SHB: variants seen among roughly 807,000 people sequenced by gnomAD.
SHB encodes SH2 domain-containing adapter protein B.
A neutral mutation model predicts 52.3 loss-of-function variants in SHB; 20 were observed. The ratio of observed to expected loss-of-function variants is 0.38; its 90% CI spans 0.27 to 0.56. The LOEUF is 0.56. SHB is among the 20% of genes least tolerant of loss of function. The pLI, the probability that SHB is intolerant of heterozygous loss-of-function variation, is 0.71. For missense variants in SHB, 825 were observed against 723.3 expected, an observed-to-expected ratio of 1.14 and a Z score of -1.61; for synonymous variants, 397 against 316.5, an observed-to-expected ratio of 1.25 and a Z score of -2.70.
At chr9:38,054,897 T>C (rs543225091) in intron 1 of SHB, among the ~76,000 whole-genome samples, 2 of 152,278 alleles carry the variant, frequency 1.3e-5, no homozygotes, top group South Asian at 4.2e-4. Context: ...ATCTCAACAT[T>C]GGAAGTTTTC....
intron 1 of SHB, among the ~76,000 whole-genome samples, chr9:38,037,774 T>C (rs1030456441): frequency 6.6e-6 from 1 of 152,158 alleles, no homozygotes; most frequent in Admixed American, 6.5e-5. Context: ...TGGGCTGACC[T>C]TGGGGCAGAT....
chr9:38,025,158 AC>A (rs529234581), intron 1 of SHB, among the ~76,000 whole-genome samples: 90 of 151,954 alleles, frequency 5.9e-4, no homozygotes, highest in Admixed American at 2.8e-3. Context: ...TCACAGAAGA[AC>A]CCCCCTACCT....
chr9:38,065,733 A>G (rs555475017), intron 1 of SHB, among the ~76,000 whole-genome samples: 30 of 152,258 alleles, frequency 2.0e-4, no homozygotes, highest in Admixed American at 1.8e-3. Context: ...ATATCTGATC[A>G]CAACACTCTC....
intron 5 of SHB, among the ~76,000 whole-genome samples, chr9:37,937,178 G>A (rs1832381340): frequency 6.6e-6 from 1 of 152,072 alleles, no homozygotes; most frequent in Admixed American, 6.5e-5. Context: ...ACATGTCTTT[G>A]TCTCCTCACC....
intron 2 of SHB, among the ~76,000 whole-genome samples, chr9:37,997,694 C>T (rs531975903): frequency 6.6e-6 from 1 of 152,314 alleles, no homozygotes; most frequent in Non-Finnish European, 1.5e-5. Context: ...TGTGGTTGGC[C>T]TTCTGGGCTG....
At chr9:38,028,249 C>T (rs964681602) in intron 1 of SHB, among the ~76,000 whole-genome samples, 8 of 152,150 alleles carry the variant, frequency 5.3e-5, no homozygotes, top group Non-Finnish European at 1.0e-4. Flanking sequence ...TTAGATCCTG[C>T]AACATCAATC....
intron 3 of SHB, among the ~76,000 whole-genome samples, chr9:37,968,381 G>T (rs1455195703): frequency 6.6e-6 from 1 of 152,194 alleles, no homozygotes; most frequent in Admixed American, 6.5e-5. Context: ...ACTTGGGACT[G>T]TCTGACTCAT....
At chr9:37,939,437 A>G (rs1304596518) in intron 5 of SHB, among the ~76,000 whole-genome samples, 3 of 152,188 alleles carry the variant, frequency 2.0e-5, no homozygotes, top group African/African-American at 4.8e-5. Context: ...CTTTCTTCAC[A>G]GCTCCTTGAG....
chr9:37,948,239 C>T (rs2117890294), intron 5 of SHB, among the ~76,000 whole-genome samples: 1 of 152,290 alleles, frequency 6.6e-6, no homozygotes, highest in East Asian at 1.9e-4. Context: ...CCAGCCACAC[C>T]CACCTCCGTG....
Position 37,916,044 on chromosome 9 carries a change from G to A in SHB, c.*3777C>T, listed in dbSNP as rs1175639690. Among the ~76,000 whole-genome samples, 2 of 152,228 alleles carry A rather than the reference G, an allele frequency of 1.3e-5. No individual in the cohort carries two copies. The highest frequency in any genetic ancestry group is 6.5e-5 in the Admixed American group (1 of 15,292). On this transcript the variant is annotated 3_prime_UTR_variant, in exon 6 of 6. Coordinates refer to ENST00000377707, the MANE Select transcript of SHB (RefSeq NM_003028.3). ...TGGCAGGGATGCAAACAGCCCCAAGGAGGGAGGTGGAAAGGCCAAGGGGCA... is the reference window on the plus strand; with the variant it reads ...TGGCAGGGATGCAAACAGCCCCAAGAAGGGAGGTGGAAAGGCCAAGGGGCA...
At chr9:37,938,746 G>GGGAGAC (rs1832403509) in intron 5 of SHB, among the ~76,000 whole-genome samples, 1 of 152,252 alleles carries the variant, frequency 6.6e-6, no homozygotes, top group African/African-American at 2.4e-5. Flanking sequence ...TGGCTCAGAC[G>GGGAGAC]GGAGACGCAG....
chr9:38,018,868 T>TC (rs1291715345), intron 1 of SHB, among the ~76,000 whole-genome samples: 1 of 152,252 alleles, frequency 6.6e-6, no homozygotes, highest in East Asian at 1.9e-4. Flanking sequence ...AAGGTTTGTG[T>TC]GAAGCGTGCT....
intron 2 of SHB, among the ~76,000 whole-genome samples, chr9:38,008,531 G>A (rs1376286002): frequency 1.3e-5 from 2 of 152,272 alleles, no homozygotes; most frequent in Non-Finnish European, 2.9e-5. Flanking sequence ...CCAGGCAGGA[G>A]GATTGACAAC....
intron 3 of SHB, among the ~76,000 whole-genome samples, chr9:37,957,809 G>A (rs1484951142): frequency 1.3e-5 from 2 of 152,220 alleles, no homozygotes; most frequent in Non-Finnish European, 2.9e-5. Context: ...AGCAGGGCAG[G>A]AAAGCCCTCT....
chr9:37,961,333 A>C (rs1043856445), intron 3 of SHB, among the ~76,000 whole-genome samples: 2 of 152,164 alleles, frequency 1.3e-5, no homozygotes, highest in African/African-American at 4.8e-5. Flanking sequence ...TGCTTGGATG[A>C]GATAAATGTG....
rs370487487 is a variant in SHB at position 37,948,585 on chromosome 9, G to A, written c.1346+50C>T. 88 of 1,599,868 alleles carry A rather than the reference G, an allele frequency of 5.5e-5. No homozygotes were observed. The African/African-American group carries it at 7.2e-4, about 13-fold the overall frequency. The stretch of plus-strand genomic sequence containing the variant: ...TGCCACAGACACGGTGGCCGGCTGC[G>A]CTCGCAGAGGCTGCCGAGGAGGGCT... On this transcript the variant is annotated intron_variant, in intron 5 of 5. Coordinates refer to ENST00000377707, the MANE Select transcript of SHB (RefSeq NM_003028.3).
chr9:38,063,972 AAAC>A (rs900014707), intron 1 of SHB, among the ~76,000 whole-genome samples: 27 of 152,108 alleles, frequency 1.8e-4, no homozygotes, highest in African/African-American at 6.3e-4. Flanking sequence ...GTTGTGGTGG[AAAC>A]AACATTTATT....
In SHB at chr9:37,927,034, T is replaced by C. The variant is rs138319484; in HGVS notation, c.1347-7030A>G. 8.0e-4 allele frequency among the ~76,000 whole-genome samples: 122 copies of C among 152,290 alleles called. 1 individual carries two copies. The highest frequency in any genetic ancestry group is 1.6e-3 in the Non-Finnish European group (106 of 68,018). On this transcript the variant is annotated intron_variant, in intron 5 of 5. Coordinates refer to ENST00000377707, the MANE Select transcript of SHB (RefSeq NM_003028.3). ...GGGAGGGCTGGCATTATATGCAAGA[T>C]ACCCACTGCACAGATGAGAAGACTA...
chr9:38,027,456 A>C (rs890200201), intron 1 of SHB, among the ~76,000 whole-genome samples: 1 of 152,172 alleles, frequency 6.6e-6, no homozygotes, highest in Non-Finnish European at 1.5e-5. Flanking sequence ...TATCCTCTAG[A>C]GGCCACAGGC....
Sources: allele counts gnomAD v4.1 joint callset (sites outside exome capture counted in the v4.1 genomes callset), GRCh38; gene constraint gnomAD v4.1.1; transcripts MANE v1.5; gene names NCBI Gene and HGNC (gene_info 2026-07-23, HGNC 2026-07-21).